The following PCDHGB1 variants were observed in gnomAD, a reference collection of about 807,000 sequenced individuals.
PCDHGB1 encodes protocadherin gamma subfamily B, 1.
Under a neutral mutation model 56.6 loss-of-function variants are expected in PCDHGB1, and 34 were observed. The observed-to-expected ratio is 0.60, with a 90% CI of 0.46 to 0.80. PCDHGB1 has a LOEUF of 0.80. Among genes scored for constraint, PCDHGB1 ranks in the 30% least tolerant of loss-of-function variants. The pLI is 0.00. For missense variants in PCDHGB1, 1,278 were observed against 1,204.6 expected (o/e 1.06, Z -0.90); for synonymous variants, 561 against 505.9 (o/e 1.11, Z -1.46).
chr5:141,377,133 G>A (rs1013848288), intron 1 of PCDHGB1: 25 of 152,138 alleles, frequency 1.6e-4, no homozygotes, highest in African/African-American at 5.8e-4. Flanking sequence ...ATTTTGTGGG[G>A]GAAAATAATG....
At chr5:141,417,637 A>ATCCCTCAGCCTCTAGCCTGGGAT (rs2096141530) in intron 1 of PCDHGB1, 1 of 724,654 alleles carries the variant, frequency 1.4e-6, no homozygotes, top group Admixed American at 3.5e-5. Flanking sequence ...GACGCCGGGG[A>ATCCCTCAGCCTCTAGCCTGGGAT]TCCCTCAGCC....
intron 1 of PCDHGB1, among the ~76,000 whole-genome samples, chr5:141,460,888 C>T (rs530320189): frequency 1.3e-5 from 2 of 149,792 alleles, no homozygotes; most frequent in East Asian, 2.0e-4. Context: ...CATGCCTTTT[C>T]GTGGCTGAGT....
intron 1 of PCDHGB1, among the ~76,000 whole-genome samples, chr5:141,444,880 G>A (rs527554886): frequency 6.6e-6 from 1 of 152,150 alleles, no homozygotes; most frequent in Non-Finnish European, 1.5e-5. Context: ...AAGCTTGTAG[G>A]ATTTTTGAAT....
chr5:141,400,780 T>C, intron 1 of PCDHGB1: 1 of 566,270 alleles, frequency 1.8e-6, no homozygotes, highest in Non-Finnish European at 3.1e-6. Context: ...TGGTGCGTTT[T>C]TTTGTCCTCT....
intron 1 of PCDHGB1, among the ~76,000 whole-genome samples, chr5:141,445,007 G>A (rs771023003): frequency 1.5e-4 from 23 of 151,994 alleles, no homozygotes; most frequent in Non-Finnish European, 2.4e-4. Flanking sequence ...ATTTAATTAG[G>A]TCTTTAATTT....
chr5:141,419,662 T>C (rs767190243), intron 1 of PCDHGB1: 140 of 1,612,700 alleles, frequency 8.7e-5, no homozygotes, highest in South Asian at 2.2e-5. Flanking sequence ...CGGGGCACAA[T>C]GCCTGGCTGT....
chr5:141,433,742 C>T lies in PCDHGB1; in HGVS notation c.2410-61065C>T, dbSNP rs927651405. 2.6e-5 allele frequency among the ~76,000 whole-genome samples: 4 copies of T among 150,944 alleles called. No homozygotes were observed. The East Asian group carries it at 7.9e-4, about 30-fold the overall frequency. On this transcript the variant is annotated intron_variant, in intron 1 of 3. Coordinates refer to ENST00000523390, the MANE Select transcript of PCDHGB1 (RefSeq NM_018922.3). Reference sequence around the variant, plus strand: ...ATCCCAGCTACTTGGGAGGCTGAGTCAGGAGAATTGCTTTAACCTGGGAGG... The same window carrying T: ...ATCCCAGCTACTTGGGAGGCTGAGTTAGGAGAATTGCTTTAACCTGGGAGG...
At chr5:141,508,434 G>A (rs2099868795) in intron 3 of PCDHGB1, among the ~76,000 whole-genome samples, 1 of 152,160 alleles carries the variant, frequency 6.6e-6, no homozygotes, top group Admixed American at 6.5e-5. Flanking sequence ...AGCTCACACA[G>A]TTCCTTAGTG....
intron 1 of PCDHGB1, chr5:141,385,162 C>T (rs750299709): frequency 6.2e-7 from 1 of 1,614,118 alleles, no homozygotes; most frequent in African/African-American, 1.3e-5. Context: ...GACCTATTCC[C>T]ATGAGGTCTC....
intron 1 of PCDHGB1, among the ~76,000 whole-genome samples, chr5:141,472,863 G>A (rs2099301197): frequency 6.7e-6 from 1 of 149,994 alleles, no homozygotes. Context: ...GCACATGCCT[G>A]TATTCCCAGC....
chr5:141,366,032 C>T (rs754474451), intron 1 of PCDHGB1: 3 of 1,614,266 alleles, frequency 1.9e-6, no homozygotes, highest in South Asian at 2.2e-5. Context: ...CCCCGCCCTC[C>T]CCACAGACGG....
chr5:141,419,564 C>A (rs2096400387), intron 1 of PCDHGB1: 5 of 1,611,832 alleles, frequency 3.1e-6, no homozygotes, highest in Non-Finnish European at 4.2e-6. Context: ...TGCGCTGGGT[C>A]CCGACGGCTC....
intron 1 of PCDHGB1, chr5:141,420,357 C>A: frequency 7.3e-7 from 1 of 1,376,278 alleles, no homozygotes; most frequent in East Asian, 2.6e-5. Flanking sequence ...TTTTAAGATT[C>A]TAGATAACTT....
At chr5:141,365,469 G>T (rs1162637484) in intron 1 of PCDHGB1, 1 of 1,614,010 alleles carries the variant, frequency 6.2e-7, no homozygotes, top group South Asian at 1.1e-5. Flanking sequence ...GGAGAAAATG[G>T]TGAGATTGCA....
chr5:141,370,406 C>T (rs753617533), intron 1 of PCDHGB1: 3 of 1,560,202 alleles, frequency 1.9e-6, no homozygotes, highest in African/African-American at 2.7e-5. Flanking sequence ...TGGGAAATAG[C>T]TCCGGATGGA....
intron 1 of PCDHGB1, among the ~76,000 whole-genome samples, chr5:141,429,527 T>TA (rs1321273157): frequency 1.3e-5 from 2 of 152,038 alleles, no homozygotes; most frequent in African/African-American, 4.8e-5. Flanking sequence ...GAAAAAAGCT[T>TA]AAAAAAATAA....
At chr5:141,399,598 G>A in intron 1 of PCDHGB1, 1 of 1,613,964 alleles carries the variant, frequency 6.2e-7, no homozygotes, top group Non-Finnish European at 8.5e-7. Context: ...CATGGCCAGC[G>A]ACCTAGAGCC....
chr5:141,393,497 C>T (rs375522990), intron 1 of PCDHGB1: 705 of 1,613,952 alleles, frequency 4.4e-4, no homozygotes, highest in Non-Finnish European at 5.6e-4. Flanking sequence ...CAGTGCGCAT[C>T]CACGTGACAG....
chr5:141,418,988 G>A, intron 1 of PCDHGB1: 1 of 1,613,946 alleles, frequency 6.2e-7, no homozygotes, highest in Non-Finnish European at 8.5e-7. Context: ...CCAAGACTCA[G>A]GGGAAAATGG....
Sources: gnomAD v4.1 joint callset for allele counts (sites outside exome capture counted in the v4.1 genomes callset) on GRCh38, gnomAD v4.1.1 for gene constraint, MANE v1.5 for transcripts, NCBI Gene and HGNC (gene_info 2026-07-23, HGNC 2026-07-21) for gene names.